The following ERC1 variants were observed in gnomAD, a reference collection of about 807,000 sequenced individuals.
ERC1 encodes the protein RAB6 interacting protein 2.
Under a neutral mutation model 132.0 loss-of-function variants are expected in ERC1, and 56 were observed. The ratio of observed to expected loss-of-function variants is 0.42; its 90% CI spans 0.34 to 0.53. The LOEUF is 0.53. Among genes scored for constraint, ERC1 ranks in the 20% least tolerant of loss-of-function variants. ERC1 has a pLI of 0.03. For missense variants in ERC1, 1,202 were observed against 1,349.9 expected (o/e 0.89, Z 1.72); for synonymous variants, 478 against 476.1 (o/e 1.00, Z -0.05).
chr12:1,444,634 C>G lies in ERC1; in HGVS notation c.3097C>G (p.Leu1033Val), dbSNP rs2154411343. Residue 1033 changes from leucine to valine, a missense_variant, in exon 18 of 19, where the codon CTC becomes GTC. Physicochemically the swap from Leu to Val is conservative, Grantham distance 32. Transcript: ENST00000360905. ...LKLYIGHLTT[L>V]CHDRDPLILR... is the part of the protein sequence containing the mutation. The stretch of plus-strand genomic sequence containing the variant: ...GTTGTACATTGGACACCTGACAACC[C>G]TCTGCCATGACCGAGACCCCCTGAT... 1 of 1,614,082 alleles carries G rather than the reference C, an allele frequency of 6.2e-7. No individual in the cohort carries two copies. Among genetic ancestry groups the G allele is most frequent in the Non-Finnish European group, 8.5e-7 (1 of 1,179,968 alleles).
intron 18 of ERC1, among the ~76,000 whole-genome samples, chr12:1,468,526 C>T (rs550845494): frequency 2.6e-5 from 4 of 152,136 alleles, no homozygotes; most frequent in East Asian, 1.9e-4. Flanking sequence ...CGCTAGAACC[C>T]GGGAGGTGGA....
At chr12:1,147,376 T>G (rs1950476900) in intron 8 of ERC1, among the ~76,000 whole-genome samples, 1 of 152,208 alleles carries the variant, frequency 6.6e-6, no homozygotes, top group Non-Finnish European at 1.5e-5. Context: ...GATGATCATC[T>G]GATTTTTATT....
intron 18 of ERC1, among the ~76,000 whole-genome samples, chr12:1,487,372 ATTTTTTT>A (rs574707385): frequency 0.016 from 938 of 57,914 alleles, 9 homozygotes; most frequent in African/African-American, 0.055. Context: ...AAGCATCTAG[ATTTTTTT>A]TTTTTTTTTT....
At chr12:1,341,528 T>G (rs1314597000) in intron 15 of ERC1, among the ~76,000 whole-genome samples, 1 of 152,098 alleles carries the variant, frequency 6.6e-6, no homozygotes, top group Non-Finnish European at 1.5e-5. Flanking sequence ...TGGATGAAGC[T>G]GGAACCATCA....
chr12:1,195,878 C>A (rs924818905), intron 12 of ERC1, among the ~76,000 whole-genome samples: 15 of 134,948 alleles, frequency 1.1e-4, no homozygotes, highest in African/African-American at 2.9e-4. Flanking sequence ...TATTTCCGCC[C>A]CCCCCCCCCT....
At chr12:1,362,405 C>T (rs1213310447) in intron 15 of ERC1, among the ~76,000 whole-genome samples, 3 of 152,056 alleles carry the variant, frequency 2.0e-5, no homozygotes, top group Non-Finnish European at 2.9e-5. Flanking sequence ...AGCAGTGGCT[C>T]GATAAGAACC....
rs894769034 is a variant in ERC1 at position 1,385,627 on chromosome 12, G to A, written c.2925+13650G>A. On this transcript the variant is annotated intron_variant, in intron 16 of 18. Coordinates refer to ENST00000360905, the MANE Select transcript of ERC1 (RefSeq NM_178040.4). ...TGAGAAACAATAGCCAGGAAGAACA[G>A]AAGGAAACCTGTTTTTAAGGCTGGT... 3.3e-5 allele frequency among the ~76,000 whole-genome samples: 5 copies of A among 152,308 alleles called. No individual in the cohort carries two copies. The South Asian group carries it at 8.3e-4, about 25-fold the overall frequency.
intron 8 of ERC1, among the ~76,000 whole-genome samples, chr12:1,153,877 T>C (rs1593768045): frequency 6.6e-6 from 1 of 152,320 alleles, no homozygotes; most frequent in East Asian, 1.9e-4. Context: ...ATACTCCATT[T>C]CTTTTTTTGT....
intron 15 of ERC1, among the ~76,000 whole-genome samples, chr12:1,292,874 T>C (rs2079555278): frequency 6.6e-6 from 1 of 151,420 alleles, no homozygotes; most frequent in African/African-American, 2.4e-5. Flanking sequence ...TGGCTGGACG[T>C]GGTGGCTCAC....
chr12:1,296,814 C>T (rs1395481913), intron 15 of ERC1, among the ~76,000 whole-genome samples: 1 of 151,998 alleles, frequency 6.6e-6, no homozygotes, highest in Non-Finnish European at 1.5e-5. Context: ...GGATTTTTAC[C>T]GAATGAACAG....
chr12:1,057,631 A>G (rs1250804838), intron 2 of ERC1, among the ~76,000 whole-genome samples: 1 of 111,834 alleles, frequency 8.9e-6, no homozygotes, highest in Non-Finnish European at 1.7e-5. Flanking sequence ...GAGTCTTGCT[A>G]CGTTGCCAGG....
intron 3 of ERC1, among the ~76,000 whole-genome samples, chr12:1,094,935 A>G (rs1433337258): frequency 1.3e-5 from 2 of 152,156 alleles, no homozygotes; most frequent in South Asian, 2.1e-4. Flanking sequence ...AAATTCAGAA[A>G]TTGAATCTGT....
At chr12:1,107,803 C>T (rs1199785813) in intron 4 of ERC1, among the ~76,000 whole-genome samples, 2 of 152,118 alleles carry the variant, frequency 1.3e-5, no homozygotes, top group Non-Finnish European at 2.9e-5. Flanking sequence ...GGGAGAATGT[C>T]AACCCTTTCC....
chr12:1,189,950 A>T lies in ERC1; in HGVS notation c.2249A>T (p.Glu750Val). 1 of 1,614,144 alleles carries T rather than the reference A, an allele frequency of 6.2e-7. No homozygotes were observed. Among genetic ancestry groups the T allele is most frequent in the Non-Finnish European group, 8.5e-7 (1 of 1,180,016 alleles). Residue 750 changes from glutamate (E) to valine (V), a missense_variant, in exon 12 of 19, where the codon GAA becomes GTA. Coordinates refer to ENST00000360905, the MANE Select transcript of ERC1 (RefSeq NM_178040.4). ...AGAGAGATCACCAGGTACAAAGATGAATCTAGCAAGGCCCAGGCAGAAGTT... is the reference window on the plus strand; with the variant it reads ...AGAGAGATCACCAGGTACAAAGATGTATCTAGCAAGGCCCAGGCAGAAGTT... ...LEREITRYKD[E>V]SSKAQAEVDR... is the part of the protein sequence containing the mutation.
intron 14 of ERC1, among the ~76,000 whole-genome samples, chr12:1,275,739 A>G (rs1415541294): frequency 6.6e-6 from 1 of 152,158 alleles, no homozygotes. Context: ...TAAAGGAATT[A>G]CCTAAGGCTG....
chr12:1,176,720 A>G (rs926639010), intron 8 of ERC1, among the ~76,000 whole-genome samples: 2 of 152,084 alleles, frequency 1.3e-5, no homozygotes, highest in African/African-American at 4.8e-5. Context: ...AACTGGGATT[A>G]CAGGCATGGA....
intron 7 of ERC1, among the ~76,000 whole-genome samples, chr12:1,140,888 TG>T (rs1429656675): frequency 2.6e-5 from 4 of 152,120 alleles, no homozygotes; most frequent in Non-Finnish European, 5.9e-5. Flanking sequence ...GAAATGACAA[TG>T]AAAAAAGAAT....
chr12:1,155,070 C>T (rs1259922967), intron 8 of ERC1, among the ~76,000 whole-genome samples: 1 of 152,132 alleles, frequency 6.6e-6, no homozygotes, highest in African/African-American at 2.4e-5. Flanking sequence ...GTAGTCCCAG[C>T]ACTTAGGGAG....
At chr12:1,418,718 CTTTCTTTT>C (rs2092299784) in intron 17 of ERC1, among the ~76,000 whole-genome samples, 1 of 99,590 alleles carries the variant, frequency 1.0e-5, no homozygotes, top group African/African-American at 4.1e-5. Context: ...TTCTTTCTTT[CTTTCTTTT>C]TGGAGACAGG....
Sources: gnomAD v4.1 joint callset for allele counts (sites outside exome capture counted in the v4.1 genomes callset) on GRCh38, gnomAD v4.1.1 for gene constraint, MANE v1.5 for transcripts, NCBI Gene and HGNC (gene_info 2026-07-23, HGNC 2026-07-21) for gene names.